The following LRRFIP1 variants were observed in gnomAD, a reference collection of about 807,000 sequenced individuals.
LRRFIP1 encodes the protein leucine-rich repeat flightless-interacting protein 1.
LRRFIP1 carries 62 observed loss-of-function variants against 104.4 expected under a neutral mutation model. The observed-to-expected ratio is 0.59, with a 90% confidence interval of 0.48 to 0.73. The LOEUF (loss-of-function observed/expected upper bound fraction) is 0.73. Among genes scored for constraint, LRRFIP1 ranks in the 30% least tolerant of loss-of-function variants. The probability of loss-of-function intolerance (pLI) is 0.00; values close to 1 mark genes in which losing one functional copy is unlikely to be tolerated. For missense variants in LRRFIP1, 796 were observed against 824.5 expected, an observed-to-expected ratio of 0.97 and a Z score of 0.42; for synonymous variants, 300 against 299.0, an observed-to-expected ratio of 1.00 and a Z score of -0.03.
At chr2:237,642,206 A>G (rs1381685741) in intron 1 of LRRFIP1, among the ~76,000 whole-genome samples, 2 of 152,218 alleles carry the variant, frequency 1.3e-5, no homozygotes, top group African/African-American at 4.8e-5. Flanking sequence ...TCAGGGAATC[A>G]TGCTGGCCAA....
At chr2:237,748,152 G>T (rs759585088) in intron 11 of LRRFIP1, among the ~76,000 whole-genome samples, 5 of 152,182 alleles carry the variant, frequency 3.3e-5, no homozygotes, top group African/African-American at 7.2e-5. Context: ...CCTCAGGGAC[G>T]TCCAAATGAG....
At chr2:237,681,989 T>C (rs2091897232) in intron 1 of LRRFIP1, among the ~76,000 whole-genome samples, 1 of 152,106 alleles carries the variant, frequency 6.6e-6, no homozygotes, top group African/African-American at 2.4e-5. Flanking sequence ...CTCCACAAGC[T>C]TGGCTTTGGG....
At position 237,693,990 on chromosome 2, in the gene LRRFIP1, C is replaced by T. The variant is rs146284018; in HGVS notation, c.97-14554C>T. ...TCCAACTGAGTAGTTATGTGATCAG[C>T]CCAGGCCCACTGTCCCTCACCCCCA... On this transcript the variant is annotated intron_variant, in intron 1 of 23. Transcript: ENST00000308482. 3.1e-3 allele frequency among the ~76,000 whole-genome samples: 472 copies of T among 152,296 alleles called. 11 individuals are homozygous for T. The East Asian group carries it at 0.046, about 15-fold the overall frequency.
rs554653905 is a variant in LRRFIP1 at position 237,648,254 on chromosome 2, C to T, written c.96+20514C>T. Among the ~76,000 whole-genome samples the T allele has an allele frequency of 2.8e-3, 433 of 152,042 alleles. 4 individuals are homozygous for T. The highest frequency in any genetic ancestry group is 0.01 in the African/African-American group (420 of 41,544). Reference sequence around the variant, plus strand: ...CAACTCAGCACCCGTGTTCTAAGGACGCAGGAGTCTAGAAATAGCTGCGAT... The same window carrying T: ...CAACTCAGCACCCGTGTTCTAAGGATGCAGGAGTCTAGAAATAGCTGCGAT... On this transcript the variant is annotated intron_variant, in intron 1 of 23. Transcript: ENST00000308482.
chr2:237,648,028 G>A (rs183489543), intron 1 of LRRFIP1, among the ~76,000 whole-genome samples: 3 of 152,148 alleles, frequency 2.0e-5, no homozygotes, highest in Non-Finnish European at 2.9e-5. Flanking sequence ...TACAGCTTCC[G>A]ACAGCAGTGG....
At chr2:237,772,395 C>T (rs1576431347) in intron 21 of LRRFIP1, 197 bp downstream of exon 21, 1 of 531,262 alleles carries the variant, frequency 1.9e-6, no homozygotes, top group East Asian at 3.0e-5. Context: ...TGAAATAGAA[C>T]AGGTACCCAA....
At chr2:237,733,634 C>T in intron 8 of LRRFIP1, 140 bp from the exon 9 acceptor site, 1 of 709,458 alleles carries the variant, frequency 1.4e-6, no homozygotes, top group Non-Finnish European at 2.4e-6. Flanking sequence ...AACACGGTGC[C>T]TCGATCGGTT....
At chr2:237,771,551 T>TCCCCCCCCCCCCCCCCCC (rs772060776) in intron 20 of LRRFIP1, among the ~76,000 whole-genome samples, 3 of 50,012 alleles carry the variant, frequency 6.0e-5, no homozygotes, top group African/African-American at 1.6e-4. Context: ...CTGGAACCAA[T>TCCCCCCCCCCCCCCCCCC]CCCCCCCCCC....
At chr2:237,698,557 G>C (rs55884010) in intron 1 of LRRFIP1, among the ~76,000 whole-genome samples, 1 of 152,218 alleles carries the variant, frequency 6.6e-6, no homozygotes, top group Admixed American at 6.5e-5. Context: ...CTGTGGGCCC[G>C]GCCAGGAGCA....
chr2:237,690,052 C>G (rs1246351659), intron 1 of LRRFIP1, among the ~76,000 whole-genome samples: 2 of 152,184 alleles, frequency 1.3e-5, no homozygotes, highest in African/African-American at 4.8e-5. Flanking sequence ...TTCCAGAGCC[C>G]ACTTCTTAAT....
chr2:237,677,405 T>A (rs1022608381), intron 1 of LRRFIP1, among the ~76,000 whole-genome samples: 1 of 152,238 alleles, frequency 6.6e-6, no homozygotes, highest in Non-Finnish European at 1.5e-5. Context: ...CCACTATGTA[T>A]CTATACTACA....
chr2:237,746,173 C>T (rs1338702108), intron 11 of LRRFIP1, among the ~76,000 whole-genome samples: 1 of 151,714 alleles, frequency 6.6e-6, no homozygotes, highest in Non-Finnish European at 1.5e-5. Context: ...ATTCTCCTGC[C>T]TCAACCTCCT....
chr2:237,692,120 G>T, intron 1 of LRRFIP1: 3 of 906,540 alleles, frequency 3.3e-6, no homozygotes, highest in Non-Finnish European at 3.9e-6. Context: ...GGGCGTAGCC[G>T]GGAGGGCCCC....
In LRRFIP1 at chr2:237,735,968, G is replaced by A. The variant is rs1019070999; in HGVS notation, c.555+635G>A. On this transcript the variant is annotated intron_variant, in intron 10 of 23. Coordinates refer to ENST00000308482, the MANE Select transcript of LRRFIP1 (RefSeq NM_001137550.2). The surrounding 1 kb of genome is among the most constrained non-coding windows in gnomAD (Gnocchi z 4.6). ...TCAGTGCTAACCGGTGCTCCCTGGC[G>A]GTGGATCTCCTGTATTCAGAGGCTC... Among the ~76,000 whole-genome samples the A allele has an allele frequency of 1.3e-5, 2 of 152,172 alleles. No homozygotes were observed. The highest frequency in any genetic ancestry group is 2.9e-5 in the Non-Finnish European group (2 of 68,026).
Position 237,717,864 on chromosome 2 carries a change from G to A in LRRFIP1, c.249+55G>A, listed in dbSNP as rs1265091850. ...TCTTCCCTCCCCACTTGAATACAGTGTTGAGACTTAAATGGTTTATAATGT... is the reference window on the plus strand; with the variant it reads ...TCTTCCCTCCCCACTTGAATACAGTATTGAGACTTAAATGGTTTATAATGT... On this transcript the variant is annotated intron_variant, in intron 4 of 23. Transcript: ENST00000308482. This position sits in a 1 kb window ranked among gnomAD's most constrained non-coding sequence, Gnocchi z 4.2. 3 of 1,279,380 alleles carry A rather than the reference G, an allele frequency of 2.3e-6. No individual in the cohort carries two copies. The highest frequency in any genetic ancestry group is 3.4e-6 in the Non-Finnish European group (3 of 874,620). The allele number at this position is 1,279,380 out of a possible 1,614,324, so 79.3% of individuals were successfully genotyped here.
intron 1 of LRRFIP1, among the ~76,000 whole-genome samples, chr2:237,651,304 C>A (rs1359960364): frequency 1.3e-5 from 2 of 152,220 alleles, no homozygotes; most frequent in East Asian, 3.8e-4. Flanking sequence ...GTGTGCACAT[C>A]TAAAGCAGCA....
chr2:237,780,272 A>G lies in LRRFIP1; in HGVS notation c.*740A>G, dbSNP rs2061404091. 1 of 152,232 alleles carries G rather than the reference A, an allele frequency of 6.6e-6. No homozygotes were observed. Among genetic ancestry groups the G allele is most frequent in the African/African-American group, 2.4e-5 (1 of 41,460 alleles). 9.4% of individuals were successfully genotyped at this position (152,232 alleles called of 1,614,324 possible). On this transcript the variant is annotated 3_prime_UTR_variant, in exon 24 of 24. Coordinates refer to ENST00000308482, the MANE Select transcript of LRRFIP1 (RefSeq NM_001137550.2). The stretch of plus-strand genomic sequence containing the variant: ...TGAAGTCGTTAACTTCTTTTAAAGA[A>G]TGTACTATTAGAAAAATTAAAAATG...
At chr2:237,719,940 CTTTTTTTT>C (rs57355213) in intron 5 of LRRFIP1, among the ~76,000 whole-genome samples, 37 of 103,972 alleles carry the variant, frequency 3.6e-4, no homozygotes, top group Admixed American at 5.6e-4. Context: ...GATGAAATTA[CTTTTTTTT>C]TTTTTTTTTT....
intron 18 of LRRFIP1, 95 bp from the exon 19 acceptor site, chr2:237,759,969 G>A (rs1392914498): frequency 2.9e-5 from 35 of 1,189,578 alleles, no homozygotes; most frequent in Non-Finnish European, 1.9e-5. Context: ...CTGTACTTCA[G>A]GAAAAAATGG....
Sources: allele counts gnomAD v4.1 joint callset (sites outside exome capture counted in the v4.1 genomes callset), GRCh38; gene constraint gnomAD v4.1.1; non-coding constraint Gnocchi (gnomAD v3.1); transcripts MANE v1.5; gene names NCBI Gene and HGNC (gene_info 2026-07-23, HGNC 2026-07-21).